Variants in C1orf94 observed in about 807,000 individuals in gnomAD.
C1orf94 encodes the protein uncharacterized protein C1orf94.
In C1orf94, 45 loss-of-function variants were observed where a neutral mutation model predicts 53.6. That is an observed-to-expected ratio of 0.84 (90% confidence interval 0.66 to 1.08). C1orf94 has a LOEUF of 1.08. Among genes scored for constraint, C1orf94 ranks in the 50% least tolerant of loss-of-function variants. The pLI is 0.00. For missense variants in C1orf94, 762 were observed against 738.9 expected (o/e 1.03, Z -0.36); for synonymous variants, 304 against 296.1 (o/e 1.03, Z -0.27).
At chr1:34,203,863 T>G (rs1004578151) in intron 4 of C1orf94, among the ~76,000 whole-genome samples, 8 of 152,226 alleles carry the variant, frequency 5.3e-5, no homozygotes, top group Non-Finnish European at 7.3e-5. Flanking sequence ...CCACTCTGGT[T>G]TAAGCCTTAG....
At chr1:34,167,979 A>G (rs1476925787) in intron 1 of C1orf94, among the ~76,000 whole-genome samples, 2 of 152,246 alleles carry the variant, frequency 1.3e-5, no homozygotes, top group East Asian at 3.8e-4. Flanking sequence ...CCTAGTGCAC[A>G]GTCCCTGACT....
intron 1 of C1orf94, among the ~76,000 whole-genome samples, chr1:34,192,656 G>A (rs1268134867): frequency 2.6e-5 from 4 of 152,112 alleles, no homozygotes; most frequent in African/African-American, 9.7e-5. Context: ...TGGTACAAAC[G>A]CTGTGAAGAA....
chr1:34,192,403 A>G (rs1642508821), intron 1 of C1orf94, among the ~76,000 whole-genome samples: 1 of 152,186 alleles, frequency 6.6e-6, no homozygotes, highest in African/African-American at 2.4e-5. Context: ...CAGGCCAGAG[A>G]TGGGATGTGA....
intron 1 of C1orf94, among the ~76,000 whole-genome samples, chr1:34,192,079 A>G (rs888290923): frequency 6.6e-6 from 1 of 152,170 alleles, no homozygotes; most frequent in African/African-American, 2.4e-5. Flanking sequence ...ATTCGCTGTG[A>G]TAGAGTCTGT....
chr1:34,172,969 A>G (rs1373198837), upstream of C1orf94, among the ~76,000 whole-genome samples: 1 of 152,220 alleles, frequency 6.6e-6, no homozygotes, highest in East Asian at 1.9e-4. Flanking sequence ...TCTGGGTTTT[A>G]GGGACCTACA....
At chr1:34,202,394 G>A (rs1054180047) in intron 4 of C1orf94, 135 bp downstream of exon 4, 37 of 977,550 alleles carry the variant, frequency 3.8e-5, no homozygotes, top group Admixed American at 6.1e-5. Context: ...AAGAGGCTTC[G>A]CTGGGGCTAT....
At chr1:34,208,272 T>C in intron 5 of C1orf94, 38 bp downstream of exon 5, 3 of 1,596,578 alleles carry the variant, frequency 1.9e-6, no homozygotes, top group Non-Finnish European at 2.6e-6. Context: ...CCTGGGTCCA[T>C]GAAGGCCTTT....
At chr1:34,192,238 C>T (rs1642506494) in intron 1 of C1orf94, among the ~76,000 whole-genome samples, 1 of 152,158 alleles carries the variant, frequency 6.6e-6, no homozygotes, top group South Asian at 2.1e-4. Flanking sequence ...TGGTCGGGTG[C>T]CCACAAAATC....
upstream of C1orf94, among the ~76,000 whole-genome samples, chr1:34,172,252 C>A (rs561576361): frequency 9.8e-5 from 15 of 152,364 alleles, no homozygotes; most frequent in South Asian, 3.1e-3. Context: ...ACTGCCACCA[C>A]CATATTCTTT....
chr1:34,188,435 G>C (rs1006035111), intron 1 of C1orf94, among the ~76,000 whole-genome samples: 10 of 152,130 alleles, frequency 6.6e-5, no homozygotes, highest in Non-Finnish European at 1.3e-4. Context: ...TGGCATTCAG[G>C]GAGCTGAGAG....
rs1178986421 is a variant in C1orf94 at position 34,200,992 on chromosome 1, A to C, written c.1230A>C (p.Arg410Ser). 1.9e-6 allele frequency: 3 copies of C among 1,610,386 alleles called. No individual in the cohort carries two copies. The highest frequency in any genetic ancestry group is 2.5e-6 in the Non-Finnish European group (3 of 1,178,368). Reference sequence around the variant, plus strand: ...CCAAGAACCCAAGCGGGCAGCCGAGACTTCGAAACAAAGTGGAAGTGGATG... The same window carrying C: ...CCAAGAACCCAAGCGGGCAGCCGAGCCTTCGAAACAAAGTGGAAGTGGATG... ...GATKNPSGQP[R>S]LRNKVEVDGP... Residue 410 changes from arginine to serine, a missense_variant, in exon 3 of 7, where the codon AGA becomes AGC. Arg to Ser is a moderately radical substitution (Grantham distance 110). Transcript: ENST00000488417.
chr1:34,201,001 C>T lies in C1orf94; in HGVS notation c.1239C>T (p.Asn413=), dbSNP rs1378413924. The change falls in exon 3 of 7, where the codon AAC becomes AAT. Residue 413 remains asparagine (N), a synonymous_variant. Transcript: ENST00000488417. The stretch of plus-strand genomic sequence containing the variant: ...CAAGCGGGCAGCCGAGACTTCGAAA[C>T]AAAGTGGAAGTGGATGGGCCGGAGC... ...KNPSGQPRLR[N]KVEVDGPELK... is the part of the protein sequence containing the mutation. 3.1e-6 allele frequency: 5 copies of T among 1,608,400 alleles called. No homozygotes were observed. The Admixed American group carries it at 5.1e-5, about 16-fold the overall frequency.
At chr1:34,193,996 AC>A (rs1270716350) in intron 1 of C1orf94, among the ~76,000 whole-genome samples, 1 of 152,106 alleles carries the variant, frequency 6.6e-6, no homozygotes, top group Non-Finnish European at 1.5e-5. Flanking sequence ...CCTGAAACCC[AC>A]CGTGAGTTCA....
Position 34,208,280 on chromosome 1 carries a change from T to G in C1orf94, c.1524+46T>G, listed in dbSNP as rs772908085. Reference sequence around the variant, plus strand: ...CCTCTGTCCTGGGTCCATGAAGGCCTTTGGGTCAGAGGGTGCATCTGCTCC... The same window carrying G: ...CCTCTGTCCTGGGTCCATGAAGGCCGTTGGGTCAGAGGGTGCATCTGCTCC... On this transcript the variant is annotated intron_variant, in intron 5 of 6. Transcript: ENST00000488417. 1.9e-6 allele frequency: 3 copies of G among 1,581,808 alleles called. No individual in the cohort carries two copies. The South Asian group carries it at 3.4e-5, about 18-fold the overall frequency.
intron 4 of C1orf94, 38 bp from the exon 5 acceptor site, chr1:34,208,119 C>G: frequency 6.2e-7 from 1 of 1,603,464 alleles, no homozygotes; most frequent in Non-Finnish European, 8.5e-7. Context: ...GGCAGGAAAC[C>G]CCTTGCCTGG....
At chr1:34,201,116 T>A (rs889812264) in intron 3 of C1orf94, 84 bp downstream of exon 3, 11 of 1,504,836 alleles carry the variant, frequency 7.3e-6, no homozygotes, top group Non-Finnish European at 9.8e-6. Context: ...TGTCACCAAG[T>A]GGCTGTCTTA....
intron 6 of C1orf94, among the ~76,000 whole-genome samples, chr1:34,214,190 C>T (rs374375663): frequency 2.0e-5 from 3 of 152,134 alleles, no homozygotes; most frequent in East Asian, 1.9e-4. Context: ...GTGAGCAGCA[C>T]TGGGAGGAGG....
rs1027430120 is a variant in C1orf94 at position 34,178,116 on chromosome 1, A to AC, written c.320+13dup. ...AGCTCAGCTTTCAAGAAGAGTAAGT[A>AC]CCCCCCTACTCCATTGGCAGCAAGG... On this transcript the variant is annotated splice_region_variant and intron_variant, in intron 1 of 6. Transcript: ENST00000488417. 1.3e-5 allele frequency: 20 copies of AC among 1,549,462 alleles called. No individual in the cohort carries two copies. In the African/African-American group the frequency reaches 2.6e-4, roughly 20 times the overall value.
At chr1:34,200,328 T>C (rs138539602) in intron 2 of C1orf94, among the ~76,000 whole-genome samples, 51 of 151,664 alleles carry the variant, frequency 3.4e-4, no homozygotes, top group African/African-American at 1.1e-3. Context: ...AGAGAAGGAA[T>C]AGTGGAAGGA....
Sources: allele counts gnomAD v4.1 joint callset (sites outside exome capture counted in the v4.1 genomes callset), GRCh38; gene constraint gnomAD v4.1.1; transcripts MANE v1.5; gene names NCBI Gene and HGNC (gene_info 2026-07-23, HGNC 2026-07-21).